RCC2: variants seen among roughly 807,000 people sequenced by gnomAD.
The protein encoded by RCC2 is protein RCC2.
RCC2 carries 19 observed loss-of-function variants against 64.1 expected under a neutral mutation model. The ratio of observed to expected loss-of-function variants is 0.30; its 90% CI spans 0.21 to 0.44. The LOEUF (loss-of-function observed/expected upper bound fraction) is 0.44, where lower values mean the gene tolerates loss of function less well. Ranked by LOEUF, RCC2 falls within the 20% of genes least tolerant of loss-of-function variation. The pLI, the probability that RCC2 is intolerant of heterozygous loss-of-function variation, is 1.00. For synonymous variants in RCC2, 325 were observed against 279.6 expected (o/e 1.16, Z -1.62); for missense variants, 508 against 710.4 (o/e 0.72, Z 3.24).
At chr1:17,433,847 C>CT (rs2075709265) in intron 2 of RCC2, among the ~76,000 whole-genome samples, 2 of 152,100 alleles carry the variant, frequency 1.3e-5, no homozygotes, top group South Asian at 4.2e-4. Context: ...GAGGTAAGAC[C>CT]CCCGGGAACA....
At chr1:17,438,641 G>A (rs148827388) in intron 1 of RCC2, 119 bp from the exon 2 acceptor site, 45,595 of 1,044,574 alleles carry the variant, frequency 0.044, 1,181 homozygotes, top group Non-Finnish European at 0.048. Flanking sequence ...CAAAGTGGCG[G>A]CCGCAGGGTG....
chr1:17,429,056 C>T, intron 3 of RCC2, 50 bp downstream of exon 3: 1 of 1,421,156 alleles, frequency 7.0e-7, no homozygotes, highest in Non-Finnish European at 1.0e-6. Context: ...GTCAACAGAA[C>T]CTAGCACTTA....
Position 17,409,061 on chromosome 1 carries a change from G to C in RCC2, c.*29C>G. On this transcript the variant is annotated 3_prime_UTR_variant, in exon 13 of 13. Transcript: ENST00000375436. The stretch of plus-strand genomic sequence containing the variant: ...ATGGAAATGACAGCTGCCGCGAGAG[G>C]TGTGGAGTCGGAGGAGTCTCCGGGA... 1.4e-6 allele frequency: 2 copies of C among 1,444,854 alleles called. No homozygotes were observed. The highest frequency in any genetic ancestry group is 9.8e-7 in the Non-Finnish European group (1 of 1,025,612). 89.5% of individuals were successfully genotyped at this position (1,444,854 alleles called of 1,614,324 possible). A position where few individuals can be genotyped will look rare whatever the true frequency, so the allele number is the denominator to read the frequency against.
chr1:17,427,481 C>T (rs2075629127), intron 3 of RCC2, among the ~76,000 whole-genome samples: 1 of 152,178 alleles, frequency 6.6e-6, no homozygotes, highest in Non-Finnish European at 1.5e-5. Flanking sequence ...AAGAAAAACT[C>T]AAGGAGGTGG....
intron 2 of RCC2, among the ~76,000 whole-genome samples, chr1:17,436,830 T>C (rs981149193): frequency 6.6e-6 from 1 of 152,188 alleles, no homozygotes; most frequent in African/African-American, 2.4e-5. Context: ...TAACATACTG[T>C]GTTCGGAGGG....
rs1491455407 is a variant in RCC2 at position 17,431,334 on chromosome 1, A to AAAAAAAAATAAAAAAT, written c.286-2136_286-2135insATTTTTTATTTTTTTT. Among the ~76,000 whole-genome samples, 4 of 19,368 alleles carry AAAAAAAAATAAAAAAT rather than the reference A, an allele frequency of 2.1e-4. 1 individual carries two copies. Among genetic ancestry groups the AAAAAAAAATAAAAAAT allele is most frequent in the East Asian group, 1.8e-3 (1 of 542 alleles). The allele number at this position is 19,368 out of a possible 152,430, so 12.7% of individuals were successfully genotyped here. A position where few individuals can be genotyped will look rare whatever the true frequency, so the allele number is the denominator to read the frequency against. On this transcript the variant is annotated intron_variant, in intron 2 of 12. Coordinates refer to ENST00000375436, the MANE Select transcript of RCC2 (RefSeq NM_018715.4). ...GGGCGACTGAGCAAGACTCCATCTC[A>AAAAAAAAATAAAAAAT]AAAAAAAAAAAAAAAAAAAAAAAAA...
At position 17,438,459 on chromosome 1, in the gene RCC2, C is replaced by T; in HGVS notation, c.56G>A (p.Gly19Asp). The T allele has an allele frequency of 2.3e-6, 3 of 1,319,632 alleles. No individual in the cohort carries two copies. Among genetic ancestry groups the T allele is most frequent in the African/African-American group, 1.5e-5 (1 of 65,784 alleles). 81.7% of individuals were successfully genotyped at this position (1,319,632 alleles called of 1,614,324 possible). ...TTTCCTGGGCCCGGCGCGGGCAGTG[C>T]CGTTGCCCGAGCTCGGCTCCTCCCA... is the stretch of plus-strand genomic sequence containing the variant. Reference protein sequence around the residue: ...AAWEEPSSGNGTARAGPRKRG... With the variant: ...AAWEEPSSGNDTARAGPRKRG... The change falls in exon 2 of 13, where the codon GGC becomes GAC. Residue 19 changes from glycine to aspartate, a missense_variant. Transcript: ENST00000375436.
rs148344781 is a variant in RCC2, at chr1:17,432,991, T to A, written c.286-3792A>T. Reference sequence around the variant, plus strand: ...AAAAAGAAAAAGAAAAAGAAAAAAATATATATATACACTCACACACACATA... The same window carrying A: ...AAAAAGAAAAAGAAAAAGAAAAAAAAATATATATACACTCACACACACATA... On this transcript the variant is annotated intron_variant, in intron 2 of 12. Coordinates refer to ENST00000375436, the MANE Select transcript of RCC2 (RefSeq NM_018715.4). Among the ~76,000 whole-genome samples, 69 of 151,602 alleles carry A rather than the reference T, an allele frequency of 4.6e-4. 1 individual carries two copies. The East Asian group carries it at 9.5e-3, about 21-fold the overall frequency.
chr1:17,410,680 G>C (rs2075414916), intron 11 of RCC2, among the ~76,000 whole-genome samples: 1 of 152,016 alleles, frequency 6.6e-6, no homozygotes. Flanking sequence ...CAGGGCGGGA[G>C]AGGAGGACCC....
chr1:17,429,804 G>A (rs1455048763), intron 2 of RCC2, among the ~76,000 whole-genome samples: 3 of 152,284 alleles, frequency 2.0e-5, no homozygotes, highest in East Asian at 1.9e-4. Flanking sequence ...CCCTCATGCC[G>A]CTGTCCATGA....
chr1:17,426,388 T>TA (rs1446805664), intron 3 of RCC2, among the ~76,000 whole-genome samples: 2 of 152,102 alleles, frequency 1.3e-5, no homozygotes, highest in African/African-American at 4.8e-5. Flanking sequence ...CCCACCCATA[T>TA]ATTCGCTTCC....
At chr1:17,435,488 AGG>A (rs1307729436) in intron 2 of RCC2, among the ~76,000 whole-genome samples, 2 of 152,240 alleles carry the variant, frequency 1.3e-5, no homozygotes, top group East Asian at 3.8e-4. Context: ...CAGGGTCCCT[AGG>A]ACTGCTCAAC....
chr1:17,415,864 T>C (rs139886715), intron 8 of RCC2, among the ~76,000 whole-genome samples: 1,825 of 150,680 alleles, frequency 0.012, 40 homozygotes, highest in African/African-American at 0.042. Flanking sequence ...AGGTCAGGAG[T>C]TTGAGACCAG....
rs959839421 is a variant in RCC2 at position 17,407,006 on chromosome 1, T to C, written c.*2084A>G. The stretch of plus-strand genomic sequence containing the variant: ...GCAACTGTGTACCTTTCTCTAGGAG[T>C]GCACGACACCCTTCCCCCACAACTC... On this transcript the variant is annotated 3_prime_UTR_variant, in exon 13 of 13. Coordinates refer to ENST00000375436, the MANE Select transcript of RCC2 (RefSeq NM_018715.4). The C allele has an allele frequency of 1.3e-5, 2 of 151,764 alleles. No homozygotes were observed. The highest frequency in any genetic ancestry group is 4.8e-5 in the African/African-American group (2 of 41,314). 9.4% of individuals were successfully genotyped at this position (151,764 alleles called of 1,614,324 possible). A position where few individuals can be genotyped will look rare whatever the true frequency, so the allele number is the denominator to read the frequency against.
chr1:17,422,416 C>T, intron 5 of RCC2, 125 bp from the exon 6 acceptor site: 1 of 894,708 alleles, frequency 1.1e-6, no homozygotes, highest in Non-Finnish European at 1.7e-6. Flanking sequence ...AGTGAGACTG[C>T]CCAAAAGCTG....
At chr1:17,416,257 T>C (rs895050938) in intron 8 of RCC2, among the ~76,000 whole-genome samples, 1 of 151,948 alleles carries the variant, frequency 6.6e-6, no homozygotes. Flanking sequence ...GTTTAAGATG[T>C]GTCTATTTAA....
At chr1:17,410,086 T>TC in intron 11 of RCC2, 35 bp from the exon 12 acceptor site, 1 of 1,583,816 alleles carries the variant, frequency 6.3e-7, no homozygotes, top group East Asian at 2.2e-5. Flanking sequence ...CAATCGAGGA[T>TC]CCATGTGGCT....
At chr1:17,431,604 G>A (rs2075682400) in intron 2 of RCC2, among the ~76,000 whole-genome samples, 1 of 150,728 alleles carries the variant, frequency 6.6e-6, no homozygotes, top group African/African-American at 2.4e-5. Flanking sequence ...GGTATGCTTT[G>A]GCAGTACGGC....
At chr1:17,422,611 C>A in intron 5 of RCC2, 94 bp downstream of exon 5, 1 of 1,498,384 alleles carries the variant, frequency 6.7e-7, no homozygotes, top group South Asian at 1.2e-5. Context: ...CCAAGAGTCA[C>A]AAGGGGAACT....
Sources: allele counts gnomAD v4.1 joint callset (sites outside exome capture counted in the v4.1 genomes callset), GRCh38; gene constraint gnomAD v4.1.1; transcripts MANE v1.5; gene names NCBI Gene and HGNC (gene_info 2026-07-23, HGNC 2026-07-21).